Variants in SLIT2 observed in about 807,000 individuals in gnomAD.
SLIT2 encodes slit homolog 2 protein.
SLIT2 carries 41 observed loss-of-function variants against 185.7 expected under a neutral mutation model. The observed-to-expected ratio is 0.22, with a 90% CI of 0.17 to 0.29. The LOEUF (loss-of-function observed/expected upper bound fraction) is 0.29, where lower values mean the gene tolerates loss of function less well. Among genes scored for constraint, SLIT2 ranks in the 10% least tolerant of loss-of-function variants. SLIT2 has a pLI of 1.00. For missense variants in SLIT2, 1,571 were observed against 1,909.0 expected (o/e 0.82, Z 3.30); for synonymous variants, 693 against 680.2 (o/e 1.02, Z -0.29).
chr4:20,369,557 C>T (rs932818445), intron 4 of SLIT2, among the ~76,000 whole-genome samples: 1 of 152,180 alleles, frequency 6.6e-6, no homozygotes, highest in African/African-American at 2.4e-5. Flanking sequence ...TTTGCCAGCC[C>T]CTGATCTCTC....
At position 20,486,221 on chromosome 4, in the gene SLIT2, T is replaced by C. The variant is rs201684564; in HGVS notation, c.561T>C (p.Ile187=). Residue 187 remains isoleucine, a synonymous_variant, in exon 7 of 37, where the codon ATT becomes ATC. Coordinates refer to ENST00000504154, the MANE Select transcript of SLIT2 (RefSeq NM_004787.4). The part of the protein sequence containing the change: ...LEVLTLNNNN[I]TRLSVASFNH... ...ACAGCACTCTCAACAATAACAACAT[T>C]ACTAGACTTTCTGTGGCAAGTTTCA... The C allele has an allele frequency of 6.5e-5, 104 of 1,604,018 alleles. No homozygotes were observed. The highest frequency in any genetic ancestry group is 8.5e-5 in the Non-Finnish European group (99 of 1,171,198).
chr4:20,600,857 G>A (rs1255212831), intron 33 of SLIT2, among the ~76,000 whole-genome samples: 3 of 151,094 alleles, frequency 2.0e-5, no homozygotes, highest in Non-Finnish European at 2.9e-5. Flanking sequence ...TAATAAAAGA[G>A]GCAACAATTA....
chr4:20,442,260 C>G (rs1275915771), intron 4 of SLIT2, among the ~76,000 whole-genome samples: 1 of 152,238 alleles, frequency 6.6e-6, no homozygotes, highest in South Asian at 2.1e-4. Flanking sequence ...TGGCTCACGC[C>G]TGTAATCCCA....
intron 4 of SLIT2, among the ~76,000 whole-genome samples, chr4:20,463,519 G>A (rs1174413175): frequency 7.4e-6 from 1 of 135,478 alleles, no homozygotes; most frequent in African/African-American, 2.7e-5. Context: ...CCATATATGT[G>A]TGTGTGTGTG....
chr4:20,294,121 G>A (rs1716237704), intron 4 of SLIT2, among the ~76,000 whole-genome samples: 2 of 152,000 alleles, frequency 1.3e-5, no homozygotes, highest in African/African-American at 4.8e-5. Flanking sequence ...GCTGAGGCAG[G>A]TGGATCACTT....
chr4:20,388,625 T>C (rs1725118323), intron 4 of SLIT2, among the ~76,000 whole-genome samples: 1 of 151,324 alleles, frequency 6.6e-6, no homozygotes, highest in African/African-American at 2.4e-5. Flanking sequence ...AATACAAAAA[T>C]TAACCAGGCG....
At chr4:20,337,057 T>C (rs1560329493) in intron 4 of SLIT2, among the ~76,000 whole-genome samples, 1 of 152,212 alleles carries the variant, frequency 6.6e-6, no homozygotes, top group Non-Finnish European at 1.5e-5. Flanking sequence ...AGAATTCTTT[T>C]AGTAAACTAC....
At chr4:20,331,183 T>TTATG (rs1236208079) in intron 4 of SLIT2, among the ~76,000 whole-genome samples, 1 of 152,128 alleles carries the variant, frequency 6.6e-6, no homozygotes, top group Non-Finnish European at 1.5e-5. Flanking sequence ...TTCAGTAAAT[T>TTATG]TCATAAAGAT....
At chr4:20,472,268 A>ATATAGATATATATC (rs1715183273) in intron 5 of SLIT2, among the ~76,000 whole-genome samples, 1 of 38,784 alleles carries the variant, frequency 2.6e-5, no homozygotes, top group African/African-American at 1.4e-4. Flanking sequence ...CTATATATAG[A>ATATAGATATATATC]TATATATCTA....
At chr4:20,518,110 T>TAC (rs1338305582) in intron 11 of SLIT2, among the ~76,000 whole-genome samples, 1 of 144,684 alleles carries the variant, frequency 6.9e-6, no homozygotes, top group African/African-American at 2.6e-5. Flanking sequence ...CACATATATA[T>TAC]ACATATACAT....
Position 20,386,354 on chromosome 4 carries a change from A to C in SLIT2, c.396-81398A>C, listed in dbSNP as rs76962681. Among the ~76,000 whole-genome samples the C allele has an allele frequency of 7.3e-3, 1,117 of 152,344 alleles. 15 individuals are homozygous for C. The highest frequency in any genetic ancestry group is 0.026 in the African/African-American group (1,086 of 41,586). ...TATGGCTTCATCTAAGATGTAAAAT[A>C]TTAATTATGCTAAAAATGCTTCTTT... is the stretch of plus-strand genomic sequence containing the variant. On this transcript the variant is annotated intron_variant, in intron 4 of 36. Coordinates refer to ENST00000504154, the MANE Select transcript of SLIT2 (RefSeq NM_004787.4).
intron 3 of SLIT2, among the ~76,000 whole-genome samples, chr4:20,259,284 T>C (rs1240361387): frequency 6.6e-6 from 1 of 151,790 alleles, no homozygotes; most frequent in Admixed American, 6.6e-5. Context: ...GACTATGTGA[T>C]TAGCTAATTC....
At chr4:20,567,715 C>G in intron 28 of SLIT2, 100 bp downstream of exon 28, 2 of 926,978 alleles carry the variant, frequency 2.2e-6, no homozygotes, top group Non-Finnish European at 3.4e-6. Context: ...CAGTATTTTT[C>G]AAAGAATTTG....
chr4:20,594,185 G>C (rs1297627615), intron 30 of SLIT2, among the ~76,000 whole-genome samples: 1 of 148,722 alleles, frequency 6.7e-6, no homozygotes, highest in African/African-American at 2.5e-5. Context: ...ATGTACATGT[G>C]TGTATATACA....
At chr4:20,548,111 A>G (rs1047817927) in intron 22 of SLIT2, among the ~76,000 whole-genome samples, 1 of 152,072 alleles carries the variant, frequency 6.6e-6, no homozygotes, top group East Asian at 1.9e-4. Flanking sequence ...AATTTTGTCT[A>G]TCGCAAGTCA....
chr4:20,517,768 G>A (rs1416402781), intron 11 of SLIT2, among the ~76,000 whole-genome samples: 1 of 152,058 alleles, frequency 6.6e-6, no homozygotes, highest in South Asian at 2.1e-4. Flanking sequence ...CATCTTGAAA[G>A]AGGAACAGCT....
chr4:20,295,348 A>ATCATTTT (rs1716352595), intron 4 of SLIT2, among the ~76,000 whole-genome samples: 1 of 152,190 alleles, frequency 6.6e-6, no homozygotes, highest in Admixed American at 6.5e-5. Context: ...TTAATTTGAA[A>ATCATTTT]ACCTTTGTTG....
chr4:20,533,487 C>T, intron 17 of SLIT2, 85 bp from the exon 18 acceptor site: 4 of 1,039,808 alleles, frequency 3.8e-6, no homozygotes, highest in Non-Finnish European at 5.7e-6. Flanking sequence ...AAACTTGGAT[C>T]ATTAGAAGAA....
Position 20,533,724 on chromosome 4 carries a change from T to G in SLIT2, c.1832+9T>G. 1 of 1,606,740 alleles carries G rather than the reference T, an allele frequency of 6.2e-7. No homozygotes were observed. Among genetic ancestry groups the G allele is most frequent in the Non-Finnish European group, 8.5e-7 (1 of 1,176,552 alleles). On this transcript the variant is annotated intron_variant, in intron 18 of 36. Coordinates refer to ENST00000504154, the MANE Select transcript of SLIT2 (RefSeq NM_004787.4). ...GAAAGCCTCAAAACTTTGTAAGTAT[T>G]TGTACTTGCATTGCAGTTCTTCTAC...
Sources: allele counts gnomAD v4.1 joint callset (sites outside exome capture counted in the v4.1 genomes callset), GRCh38; gene constraint gnomAD v4.1.1; transcripts MANE v1.5; gene names NCBI Gene and HGNC (gene_info 2026-07-23, HGNC 2026-07-21).